The following ZNF25 variants were observed in gnomAD, a reference collection of about 807,000 sequenced individuals.
ZNF25 encodes the protein zinc finger protein 25 (KOX 19).
Under a neutral mutation model 30.9 loss-of-function variants are expected in ZNF25, and 21 were observed. That is an observed-to-expected ratio of 0.68 (90% CI 0.48 to 0.98). The LOEUF is 0.98. ZNF25 is among the 50% of genes least tolerant of loss of function. The pLI is 0.00. For missense variants in ZNF25, 501 were observed against 529.9 expected (o/e 0.95, Z 0.54); for synonymous variants, 169 against 181.3 (o/e 0.93, Z 0.55).
chr10:37,962,237 A>G (rs2062925288), intron 2 of ZNF25, among the ~76,000 whole-genome samples: 1 of 149,352 alleles, frequency 6.7e-6, no homozygotes, highest in African/African-American at 2.5e-5. Context: ...CGAGACTTCC[A>G]TCTCAAAAAA....
chr10:37,963,364 C>T (rs1269180311), intron 2 of ZNF25, among the ~76,000 whole-genome samples: 3 of 152,260 alleles, frequency 2.0e-5, no homozygotes, highest in African/African-American at 7.2e-5. Flanking sequence ...TTAGGAGATC[C>T]ACTTGCCTCA....
intron 2 of ZNF25, among the ~76,000 whole-genome samples, chr10:37,966,736 T>C (rs1174187447): frequency 6.6e-6 from 1 of 152,090 alleles, no homozygotes; most frequent in Non-Finnish European, 1.5e-5. Context: ...AGGGTTACAA[T>C]TTCACATGAG....
chr10:37,969,054 A>C (rs182532374), intron 2 of ZNF25, among the ~76,000 whole-genome samples: 668 of 152,302 alleles, frequency 4.4e-3, no homozygotes, highest in Non-Finnish European at 5.9e-3. Context: ...TCTCTAAAGA[A>C]ATGCAATGCA....
At chr10:37,968,269 G>A (rs1159307427) in intron 2 of ZNF25, among the ~76,000 whole-genome samples, 2 of 151,908 alleles carry the variant, frequency 1.3e-5, no homozygotes, top group East Asian at 3.9e-4. Context: ...TATTGGCCAG[G>A]CCTGTCTCAA....
At chr10:37,954,005 G>A (rs1325164812) in intron 4 of ZNF25, among the ~76,000 whole-genome samples, 1 of 152,166 alleles carries the variant, frequency 6.6e-6, no homozygotes, top group African/African-American at 2.4e-5. Context: ...TAAGAGTTTG[G>A]AGGTGAAAGT....
At chr10:37,968,513 G>A (rs1590303016) in intron 2 of ZNF25, among the ~76,000 whole-genome samples, 1 of 152,050 alleles carries the variant, frequency 6.6e-6, no homozygotes, top group Non-Finnish European at 1.5e-5. Flanking sequence ...GCACCACCAA[G>A]CCCAGCTAAT....
At chr10:37,960,638 A>AAC (rs1197353864) in intron 2 of ZNF25, among the ~76,000 whole-genome samples, 22 of 150,252 alleles carry the variant, frequency 1.5e-4, no homozygotes, top group African/African-American at 4.6e-4. Flanking sequence ...AAAAAAAAAA[A>AAC]AAAAAACAAA....
At chr10:37,971,315 C>CAA (rs35376573) in intron 2 of ZNF25, among the ~76,000 whole-genome samples, 95 of 133,426 alleles carry the variant, frequency 7.1e-4, no homozygotes, top group East Asian at 1.1e-3. Flanking sequence ...GACTCCATCT[C>CAA]AAAAAAAAAA....
chr10:37,958,401 T>C (rs2062659220), intron 2 of ZNF25, among the ~76,000 whole-genome samples: 1 of 152,210 alleles, frequency 6.6e-6, no homozygotes, highest in Non-Finnish European at 1.5e-5. Flanking sequence ...ATACCTATTG[T>C]GGGTACATAA....
chr10:37,950,253 GTGTTTTT>G lies in ZNF25; in HGVS notation c.*1867_*1873del, dbSNP rs2062074777. On this transcript the variant is annotated 3_prime_UTR_variant, in exon 6 of 6. Transcript: ENST00000302609. ...ACAGCCACAGGTCAAACATAAATAG[GTGTTTTT>G]TGTTTGTATTCATGTTTTCAAAACT... 1 of 152,500 alleles carries G rather than the reference GTGTTTTT, an allele frequency of 6.6e-6. No individual in the cohort carries two copies. Among genetic ancestry groups the G allele is most frequent in the South Asian group, 2.1e-4 (1 of 4,826 alleles). The allele number at this position is 152,500 out of a possible 1,614,324, so 9.4% of individuals were successfully genotyped here.
intron 2 of ZNF25, 116 bp from the exon 3 acceptor site, chr10:37,957,662 G>T: frequency 8.3e-7 from 1 of 1,197,808 alleles, no homozygotes; most frequent in Non-Finnish European, 1.1e-6. Flanking sequence ...TGGAGAGTTA[G>T]GATATTTGCC....
rs1264169387 is a variant in ZNF25, at chr10:37,950,320, AT to A, written c.*1806del. On this transcript the variant is annotated 3_prime_UTR_variant, in exon 6 of 6. Transcript: ENST00000302609. ...GACACTGAAATTTGAATATCATATAATTTTCATGTGTCACAATATTCTTTGA... is the reference window on the plus strand; with the variant it reads ...GACACTGAAATTTGAATATCATATAATTTCATGTGTCACAATATTCTTTGA... The A allele has an allele frequency of 6.6e-6, 1 of 152,374 alleles. No homozygotes were observed. The highest frequency in any genetic ancestry group is 1.5e-5 in the Non-Finnish European group (1 of 68,038). The allele number at this position is 152,374 out of a possible 1,614,324, so 9.4% of individuals were successfully genotyped here.
intron 1 of ZNF25, among the ~76,000 whole-genome samples, chr10:37,972,199 T>C (rs2063531115): frequency 6.6e-6 from 1 of 152,208 alleles, no homozygotes; most frequent in Non-Finnish European, 1.5e-5. Flanking sequence ...TTTTCTATTA[T>C]AAACCCAAGG....
chr10:37,952,357 C>A lies in ZNF25; in HGVS notation c.1141G>T (p.Val381Leu). 6.2e-7 allele frequency: 1 copy of A among 1,613,124 alleles called. No homozygotes were observed. Among genetic ancestry groups the A allele is most frequent in the Non-Finnish European group, 8.5e-7 (1 of 1,179,662 alleles). ...TGATGTAATCTGAGGACTGAATTCA[C>A]AGCAAAAGATTTGCCACATTCTGTG... ...ECTECGKSFA[V>L]NSVLRLHQRT... The change falls in exon 6 of 6, where the codon GTG (valine) becomes TTG (leucine). Residue 381 changes from valine to leucine, a missense_variant. Coordinates refer to ENST00000302609, the MANE Select transcript of ZNF25 (RefSeq NM_145011.4).
intron 5 of ZNF25, 73 bp from the exon 6 acceptor site, chr10:37,953,268 G>A (rs140290735): frequency 0.012 from 16,418 of 1,413,974 alleles, 111 homozygotes; most frequent in Middle Eastern, 0.019. Context: ...TCCACTGGGC[G>A]TATTTTCCAA....
At position 37,952,799 on chromosome 10, in the gene ZNF25, A is replaced by G; in HGVS notation, c.699T>C (p.Thr233=). 1 of 1,610,960 alleles carries G rather than the reference A, an allele frequency of 6.2e-7. No homozygotes were observed. The highest frequency in any genetic ancestry group is 8.5e-7 in the Non-Finnish European group (1 of 1,178,962). ...THTGEKPFEC[T]ECGKFFYVKA... Reference sequence around the variant, plus strand: ...TCACATAGAAGAACTTCCCACATTCAGTACATTCAAAAGGTTTCTCCCCTG... The same window carrying G: ...TCACATAGAAGAACTTCCCACATTCGGTACATTCAAAAGGTTTCTCCCCTG... Residue 233 remains threonine, a synonymous_variant, in exon 6 of 6, where the codon ACT becomes ACC. Transcript: ENST00000302609.
Position 37,953,307 on chromosome 10 carries a change from G to A in ZNF25, c.303-112C>T. 9.3e-6 allele frequency: 9 copies of A among 965,562 alleles called. No homozygotes were observed. The South Asian group carries it at 1.4e-4, about 15-fold the overall frequency. The allele number at this position is 965,562 out of a possible 1,614,324, so 59.8% of individuals were successfully genotyped here. On this transcript the variant is annotated intron_variant, in intron 5 of 5. Coordinates refer to ENST00000302609, the MANE Select transcript of ZNF25 (RefSeq NM_145011.4). Reference sequence around the variant, plus strand: ...CCTCTGAGGACCGATTTCTAGAGATGTTCCCATATTTACTGGATCCATAGG... The same window carrying A: ...CCTCTGAGGACCGATTTCTAGAGATATTCCCATATTTACTGGATCCATAGG...
At position 37,957,424 on chromosome 10, in the gene ZNF25, T is replaced by C. The variant is rs1027702529; in HGVS notation, c.138A>G (p.Ser46=). ...VMLENYSHLV[S]VGYHVNKPNA... ...ACCTGGGGAAGTTTTCCTCACCCACTGAGACAAGGTGACTATAGTTTTCCA... is the reference window on the plus strand; with the variant it reads ...ACCTGGGGAAGTTTTCCTCACCCACCGAGACAAGGTGACTATAGTTTTCCA... The change falls in exon 3 of 6, where the codon TCA becomes TCG. Residue 46 remains serine, a synonymous_variant. Transcript: ENST00000302609. The C allele has an allele frequency of 1.2e-6, 2 of 1,611,864 alleles. No homozygotes were observed. The highest frequency in any genetic ancestry group is 2.7e-5 in the African/African-American group (2 of 74,838).
At chr10:37,976,012 C>T (rs1398822808) in intron 1 of ZNF25, among the ~76,000 whole-genome samples, 1 of 152,112 alleles carries the variant, frequency 6.6e-6, no homozygotes, top group Admixed American at 6.5e-5. Flanking sequence ...AGGATGGTTA[C>T]GATGATTAAA....
Sources: allele counts gnomAD v4.1 joint callset (sites outside exome capture counted in the v4.1 genomes callset), GRCh38; gene constraint gnomAD v4.1.1; transcripts MANE v1.5; gene names NCBI Gene and HGNC (gene_info 2026-07-23, HGNC 2026-07-21).